The following GSE1 variants were observed in gnomAD, a reference collection of about 807,000 sequenced individuals.
GSE1 encodes the protein genetic suppressor element 1.
A neutral mutation model predicts 112.6 loss-of-function variants in GSE1; 32 were observed. The ratio of observed to expected loss-of-function variants is 0.28; its 90% CI spans 0.21 to 0.38. The LOEUF is 0.38. GSE1 is among the 10% of genes least tolerant of loss of function. GSE1 has a pLI of 1.00. For synonymous variants in GSE1, 1,115 were observed against 735.6 expected (o/e 1.52, Z -8.35); for missense variants, 2,348 against 1,699.2 (o/e 1.38, Z -6.71).
intron 1 of GSE1, among the ~76,000 whole-genome samples, chr16:85,589,995 T>C (rs1188536778): frequency 2.6e-5 from 4 of 152,028 alleles, no homozygotes; most frequent in Admixed American, 6.6e-5. Flanking sequence ...TGTGTGAATG[T>C]GAGACTGTGT....
intron 1 of GSE1, among the ~76,000 whole-genome samples, chr16:85,232,390 C>T (rs1485230432): frequency 6.6e-6 from 1 of 152,188 alleles, no homozygotes; most frequent in Non-Finnish European, 1.5e-5. Context: ...CCCAGGCTAC[C>T]CCAGGAGGAC....
At chr16:85,528,638 TTTTTGTTTTG>T (rs71151301) in intron 2 of GSE1, among the ~76,000 whole-genome samples, 1,514 of 145,190 alleles carry the variant, frequency 0.01, 24 homozygotes, top group African/African-American at 0.035. Flanking sequence ...GGATTGCTGT[TTTTTGTTTTG>T]TTTTGTTTTG....
At chr16:85,279,061 G>A (rs1391887388) in intron 1 of GSE1, 2 of 152,386 alleles carry the variant, frequency 1.3e-5, no homozygotes, top group South Asian at 4.1e-4. Flanking sequence ...CCTTGATAGG[G>A]ACATCAACCT....
intron 1 of GSE1, among the ~76,000 whole-genome samples, chr16:85,243,694 G>C (rs1567634112): frequency 6.6e-6 from 1 of 152,258 alleles, no homozygotes; most frequent in African/African-American, 2.4e-5. Flanking sequence ...TGGCAGGTGA[G>C]CATGTGTGTG....
chr16:85,625,507 C>T (rs1272147236), intron 1 of GSE1, among the ~76,000 whole-genome samples: 1 of 152,194 alleles, frequency 6.6e-6, no homozygotes, highest in Non-Finnish European at 1.5e-5. Context: ...ACCTGGCCCC[C>T]CAGGTGACAC....
At chr16:85,482,456 AC>A (rs2050709104) in intron 2 of GSE1, among the ~76,000 whole-genome samples, 1 of 151,786 alleles carries the variant, frequency 6.6e-6, no homozygotes, top group African/African-American at 2.4e-5. Context: ...AACTCGAGCG[AC>A]CCGCGACCTG....
intron 1 of GSE1, among the ~76,000 whole-genome samples, chr16:85,596,405 G>T (rs1265187985): frequency 6.6e-6 from 1 of 152,202 alleles, no homozygotes; most frequent in Non-Finnish European, 1.5e-5. Flanking sequence ...CCGGGCACCT[G>T]GCTCACTGTG....
At chr16:85,533,005 G>A (rs777794208) in intron 2 of GSE1, among the ~76,000 whole-genome samples, 2 of 152,314 alleles carry the variant, frequency 1.3e-5, no homozygotes, top group African/African-American at 4.8e-5. Context: ...CTGTTCTGCC[G>A]GAGGTGTCGG....
At chr16:85,651,246 C>G (rs949823940) in intron 3 of GSE1, among the ~76,000 whole-genome samples, 1 of 151,960 alleles carries the variant, frequency 6.6e-6, no homozygotes, top group South Asian at 2.1e-4. Context: ...GCCGAGCCTG[C>G]CGGGCCTTGC....
intron 2 of GSE1, among the ~76,000 whole-genome samples, chr16:85,482,816 A>G (rs1299442499): frequency 3.3e-5 from 5 of 152,118 alleles, no homozygotes; most frequent in Non-Finnish European, 5.9e-5. Context: ...TGTCCCTACT[A>G]AAAATACAAA....
intron 2 of GSE1, among the ~76,000 whole-genome samples, chr16:85,360,730 G>A (rs566684315): frequency 3.5e-4 from 53 of 151,856 alleles, no homozygotes; most frequent in South Asian, 2.7e-3. Context: ...GCAGGCACTC[G>A]GAGACACAGC....
At chr16:85,657,639 C>G in intron 8 of GSE1, 35 bp downstream of exon 8, 1 of 1,402,596 alleles carries the variant, frequency 7.1e-7, no homozygotes, top group East Asian at 2.5e-5. Flanking sequence ...AGGGATGAGC[C>G]TTCACGTTCC....
chr16:85,257,531 A>G (rs943324539), intron 1 of GSE1, among the ~76,000 whole-genome samples: 11 of 152,274 alleles, frequency 7.2e-5, no homozygotes, highest in African/African-American at 2.7e-4. Flanking sequence ...CTTGATTTAC[A>G]GAAGTCTTAA....
At chr16:85,290,981 A>G (rs1045015953) in intron 1 of GSE1, among the ~76,000 whole-genome samples, 3 of 152,246 alleles carry the variant, frequency 2.0e-5, no homozygotes, top group Non-Finnish European at 4.4e-5. Context: ...TCAGAGCCGT[A>G]GCAGACAGAC....
At chr16:85,247,098 C>T (rs1018216408) in intron 1 of GSE1, among the ~76,000 whole-genome samples, 6 of 152,142 alleles carry the variant, frequency 3.9e-5, no homozygotes, top group African/African-American at 7.2e-5. Context: ...CGGAAGCTTT[C>T]CTTGACCGCC....
intron 5 of GSE1, 70 bp downstream of exon 5, chr16:85,655,061 G>C: frequency 5.8e-6 from 6 of 1,026,944 alleles, no homozygotes; most frequent in Non-Finnish European, 7.4e-6. Flanking sequence ...ACCTGGCGGG[G>C]AAGGTGTTTC....
chr16:85,313,478 C>T (rs1434231350), intron 1 of GSE1, among the ~76,000 whole-genome samples: 1 of 152,178 alleles, frequency 6.6e-6, no homozygotes, highest in African/African-American at 2.4e-5. Context: ...GGCCCCTTTT[C>T]CCTTTCATGT....
At chr16:85,515,276 C>T (rs1386823179) in intron 2 of GSE1, among the ~76,000 whole-genome samples, 6 of 152,174 alleles carry the variant, frequency 3.9e-5, no homozygotes, top group African/African-American at 1.2e-4. Flanking sequence ...CACTCCAGCC[C>T]GGAGGCAGTG....
At chr16:85,621,825 C>T (rs749520758) in intron 1 of GSE1, among the ~76,000 whole-genome samples, 4 of 152,124 alleles carry the variant, frequency 2.6e-5, no homozygotes, top group African/African-American at 9.7e-5. Flanking sequence ...GAGGGGAGGG[C>T]GCTCCGGCCC....
Sources: gnomAD v4.1 joint callset for allele counts (sites outside exome capture counted in the v4.1 genomes callset) on GRCh38, gnomAD v4.1.1 for gene constraint, MANE v1.5 for transcripts, NCBI Gene and HGNC (gene_info 2026-07-23, HGNC 2026-07-21) for gene names.